Variants in HCLS1 observed in about 807,000 individuals in gnomAD.
The protein encoded by HCLS1 is hematopoietic lineage cell-specific protein.
In HCLS1, 44 loss-of-function variants were observed where a neutral mutation model predicts 68.6. The observed-to-expected ratio is 0.64, with a 90% confidence interval of 0.50 to 0.82. HCLS1 has a LOEUF of 0.82. Ranked by LOEUF, HCLS1 falls within the 40% of genes least tolerant of loss-of-function variation. HCLS1 has a pLI of 0.00. For synonymous variants in HCLS1, 217 were observed against 225.8 expected (o/e 0.96, Z 0.35); for missense variants, 602 against 612.1 (o/e 0.98, Z 0.17).
intron 10 of HCLS1, 45 bp from the exon 11 acceptor site, chr3:121,633,216 C>A: frequency 8.0e-7 from 1 of 1,251,030 alleles, no homozygotes; most frequent in Non-Finnish European, 1.1e-6. Flanking sequence ...CCTCCATCTT[C>A]ACTCCTTTTT....
intron 10 of HCLS1, 50 bp from the exon 11 acceptor site, chr3:121,633,221 C>T: frequency 3.1e-6 from 3 of 976,332 alleles, no homozygotes; most frequent in Non-Finnish European, 4.4e-6. Flanking sequence ...ATCTTCACTC[C>T]TTTTTTTTTT....
chr3:121,642,943 C>G lies in HCLS1; in HGVS notation c.438G>C (p.Lys146Asn). 6.2e-7 allele frequency: 1 copy of G among 1,613,156 alleles called. No homozygotes were observed. The highest frequency in any genetic ancestry group is 8.5e-7 in the Non-Finnish European group (1 of 1,179,152). ...VGFDYKGEVE[K>N]HTSQKDYSRG... is the part of the protein sequence containing the mutation. Reference sequence around the variant, plus strand: ...TGTCCTTGCCTTTCTGAGATGTGTGCTTCTCCACTTCTCCTTTATAATCAA... The same window carrying G: ...TGTCCTTGCCTTTCTGAGATGTGTGGTTCTCCACTTCTCCTTTATAATCAA... The change falls in exon 6 of 14, where the codon AAG (lysine) becomes AAC (asparagine). Residue 146 changes from lysine to asparagine, a missense_variant. Physicochemically the swap from Lys to Asn is moderately conservative, Grantham distance 94. Transcript: ENST00000314583.
chr3:121,635,053 C>G (rs186493505), intron 9 of HCLS1, among the ~76,000 whole-genome samples: 2 of 152,110 alleles, frequency 1.3e-5, no homozygotes, highest in African/African-American at 4.8e-5. Flanking sequence ...ATCCGAAACT[C>G]CTGTCCCTGT....
rs368893881 is a variant in HCLS1, at chr3:121,637,159, G to A, written c.552C>T (p.His184=). The change falls in exon 7 of 14, where the codon CAC becomes CAT. Residue 184 remains histidine, a synonymous_variant. Coordinates refer to ENST00000314583, the MANE Select transcript of HCLS1 (RefSeq NM_005335.6). ...ACCCCAACTCACCTCTCTGGGACTC[G>A]TGTTTCTCCGTCTCTCCCTTGTAGT... ...GYDYKGETEK[H]ESQRDYAKGF... 73 of 1,610,706 alleles carry A rather than the reference G, an allele frequency of 4.5e-5. No homozygotes were observed. The highest frequency in any genetic ancestry group is 3.5e-4 in the Admixed American group (21 of 59,968).
chr3:121,656,678 A>G (rs1937880748), intron 3 of HCLS1, among the ~76,000 whole-genome samples: 1 of 152,222 alleles, frequency 6.6e-6, no homozygotes, highest in African/African-American at 2.4e-5. Context: ...CAAGTGTTAC[A>G]TTTCTTCATA....
chr3:121,635,668 T>C (rs949047752), intron 9 of HCLS1, 67 bp downstream of exon 9: 1 of 1,246,692 alleles, frequency 8.0e-7, no homozygotes, highest in South Asian at 1.2e-5. Flanking sequence ...GAGGATATAG[T>C]CTGGGGAAGA....
In HCLS1 at chr3:121,634,327, CA is replaced by C; in HGVS notation, c.782del (p.Val261GlyfsTer11). On this transcript the variant is annotated frameshift_variant, in exon 10 of 14. Transcript: ENST00000314583. LOFTEE classifies it high-confidence loss of function. Reference protein sequence around the residue: ...KREEEEKAQQVARRQQERKAV... With the variant: ...KREEEEKAQQXARRQQERKAV... ...CCTTTCGCTCCTGTTGCCTCCTGGC[CA>C]CCTGCTGTGCCTTCTCCTCTTCCTC... 1 of 1,614,052 alleles carries C rather than the reference CA, an allele frequency of 6.2e-7. No individual in the cohort carries two copies. The highest frequency in any genetic ancestry group is 8.5e-7 in the Non-Finnish European group (1 of 1,180,014).
intron 4 of HCLS1, among the ~76,000 whole-genome samples, chr3:121,646,659 A>G (rs1367064258): frequency 8.4e-6 from 1 of 118,948 alleles, no homozygotes; most frequent in Non-Finnish European, 1.6e-5. Context: ...ATATACTTAT[A>G]ATATATATAC....
At chr3:121,658,400 G>A in intron 1 of HCLS1, 53 bp from the exon 2 acceptor site, 2 of 1,356,060 alleles carry the variant, frequency 1.5e-6, no homozygotes, top group Non-Finnish European at 2.1e-6. Context: ...ATCAAGAGGA[G>A]GGAAAATAGG....
intron 3 of HCLS1, among the ~76,000 whole-genome samples, chr3:121,654,517 A>G (rs1372198346): frequency 2.0e-5 from 3 of 152,200 alleles, no homozygotes; most frequent in Non-Finnish European, 2.9e-5. Flanking sequence ...GGTGGAGAGA[A>G]GGGTGATAGT....
intron 13 of HCLS1, 58 bp from the exon 14 acceptor site, chr3:121,632,040 T>TCC: frequency 2.5e-6 from 4 of 1,612,914 alleles, no homozygotes; most frequent in Non-Finnish European, 3.4e-6. Flanking sequence ...TTTTCACATG[T>TCC]CCCCCTGTCT....
At chr3:121,646,299 T>TA (rs2049247340) in intron 4 of HCLS1, among the ~76,000 whole-genome samples, 2 of 106,502 alleles carry the variant, frequency 1.9e-5, no homozygotes, top group Admixed American at 2.6e-4. Flanking sequence ...GTATTATATT[T>TA]TATATACTTA....
chr3:121,652,278 C>A (rs933713976), intron 3 of HCLS1, among the ~76,000 whole-genome samples: 1 of 152,118 alleles, frequency 6.6e-6, no homozygotes, highest in Admixed American at 6.6e-5. Flanking sequence ...TATTCTATAT[C>A]TTGATTGCAT....
rs769492256 is a variant in HCLS1 at position 121,657,355 on chromosome 3, G to A, written c.85-3C>T. The A allele has an allele frequency of 6.2e-7, 1 of 1,613,856 alleles. No individual in the cohort carries two copies. The highest frequency in any genetic ancestry group is 1.1e-5 in the South Asian group (1 of 91,084). On this transcript the variant is annotated splice_region_variant and splice_polypyrimidine_tract_variant and intron_variant, in intron 2 of 13. Coordinates refer to ENST00000314583, the MANE Select transcript of HCLS1 (RefSeq NM_005335.6). ...TGCTCCTTTTCAGAGATGTCATTCT[G>A]CAAACGACAGCACGCAGTAATACAT...
chr3:121,647,533 C>A, intron 3 of HCLS1, 85 bp from the exon 4 acceptor site: 1 of 1,435,460 alleles, frequency 7.0e-7, no homozygotes, highest in Non-Finnish European at 9.7e-7. Flanking sequence ...GCCTTGAAGT[C>A]TGTCCTGTTT....
chr3:121,647,535 G>A (rs1462199083), intron 3 of HCLS1, 87 bp from the exon 4 acceptor site: 1 of 1,408,738 alleles, frequency 7.1e-7, no homozygotes, highest in African/African-American at 1.4e-5. Flanking sequence ...CTTGAAGTCT[G>A]TCCTGTTTAC....
chr3:121,656,702 C>T (rs1032575262), intron 3 of HCLS1, among the ~76,000 whole-genome samples: 9 of 152,198 alleles, frequency 5.9e-5, no homozygotes, highest in African/African-American at 2.2e-4. Flanking sequence ...CCATTCATGG[C>T]TTCCAACTTC....
rs542607149 is a variant in HCLS1 at position 121,654,789 on chromosome 3, TG to T, written c.158+2489del. On this transcript the variant is annotated intron_variant, in intron 3 of 13. Transcript: ENST00000314583. The stretch of plus-strand genomic sequence containing the variant: ...GTTTTTTCATTTTGGGATCTGTCAG[TG>T]TTAGCATCTACAGCTACTGTTCTCC... 9.2e-5 allele frequency among the ~76,000 whole-genome samples: 14 copies of T among 152,324 alleles called. No individual in the cohort carries two copies. In the East Asian group the frequency reaches 2.7e-3, roughly 29 times the overall value.
intron 4 of HCLS1, among the ~76,000 whole-genome samples, chr3:121,645,212 G>GT (rs1338572037): frequency 2.0e-5 from 3 of 152,202 alleles, no homozygotes; most frequent in Non-Finnish European, 4.4e-5. Context: ...ACAGAGCAGT[G>GT]TTTAAACCAG....
Sources: allele counts gnomAD v4.1 joint callset (sites outside exome capture counted in the v4.1 genomes callset), GRCh38; gene constraint gnomAD v4.1.1; transcripts MANE v1.5; gene names NCBI Gene and HGNC (gene_info 2026-07-23, HGNC 2026-07-21).